Variants in OPCML observed in about 807,000 individuals in gnomAD.
OPCML encodes opioid binding protein/cell adhesion molecule like.
In OPCML, 13 loss-of-function variants were observed where a neutral mutation model predicts 37.8. That is an observed-to-expected ratio of 0.34 (90% CI 0.22 to 0.55). The LOEUF (loss-of-function observed/expected upper bound fraction) is 0.55. OPCML is among the 20% of genes least tolerant of loss of function. The pLI, the probability that OPCML is intolerant of heterozygous loss-of-function variation, is 0.91. For missense variants in OPCML, 341 were observed against 435.6 expected (o/e 0.78, Z 1.93); for synonymous variants, 176 against 168.8 (o/e 1.04, Z -0.33).
chr11:133,186,939 T>C (rs114708638), intron 1 of OPCML, among the ~76,000 whole-genome samples: 57 of 152,108 alleles, frequency 3.7e-4, no homozygotes, highest in African/African-American at 1.1e-3. Context: ...GTGAGTCTGG[T>C]TGGCGTAGGA....
intron 1 of OPCML, among the ~76,000 whole-genome samples, chr11:133,170,546 C>A (rs1373503033): frequency 1.3e-5 from 2 of 149,270 alleles, no homozygotes; most frequent in Non-Finnish European, 3.0e-5. Flanking sequence ...GGTCATGGAT[C>A]AGAAAAGAAA....
At position 133,174,146 on chromosome 11, in the gene OPCML, C is replaced by T. The variant is rs924046409; in HGVS notation, c.62-231136G>A. On this transcript the variant is annotated intron_variant, in intron 1 of 7. Transcript: ENST00000524381. The surrounding 1 kb of genome is among the most constrained non-coding windows in gnomAD (Gnocchi z 4.6). ...TGTCAGGCTGGTCCCTTGTGTCTTC[C>T]CTTCCCTCTCATTCTCCACCTTCTT... is the stretch of plus-strand genomic sequence containing the variant. Among the ~76,000 whole-genome samples the T allele has an allele frequency of 6.6e-6, 1 of 152,166 alleles. No individual in the cohort carries two copies. The highest frequency in any genetic ancestry group is 1.5e-5 in the Non-Finnish European group (1 of 68,036).
At chr11:132,537,684 A>G (rs544268169) in intron 3 of OPCML, among the ~76,000 whole-genome samples, 85 of 152,374 alleles carry the variant, frequency 5.6e-4, no homozygotes, top group African/African-American at 2.0e-3. Flanking sequence ...CATATATCTA[A>G]TAACGGACTA....
At chr11:133,351,524 G>C (rs188074739) in intron 1 of OPCML, among the ~76,000 whole-genome samples, 60 of 100,742 alleles carry the variant, frequency 6.0e-4, no homozygotes, top group African/African-American at 2.0e-3. Flanking sequence ...GCTACTTCTG[G>C]GTCACCTAAG....
At chr11:133,352,505 C>T (rs12791663) in intron 1 of OPCML, among the ~76,000 whole-genome samples, 106,696 of 152,092 alleles carry the variant, frequency 0.7, 37,531 homozygotes, top group East Asian at 0.91. Flanking sequence ...CTCTATTTCA[C>T]AGAAGAAATC....
At chr11:132,742,888 A>T (rs553177794) in intron 2 of OPCML, among the ~76,000 whole-genome samples, 2 of 151,956 alleles carry the variant, frequency 1.3e-5, no homozygotes, top group Non-Finnish European at 2.9e-5. Context: ...CAATTATGCT[A>T]TAACATTAAA....
At chr11:133,469,566 C>A (rs7481266) in intron 1 of OPCML, among the ~76,000 whole-genome samples, 43,689 of 152,094 alleles carry the variant, frequency 0.29, 7,843 homozygotes, top group African/African-American at 0.51. Flanking sequence ...TATGTTATCA[C>A]CTGTTTGTTT....
At chr11:133,247,073 T>C (rs2136424598) in intron 1 of OPCML, among the ~76,000 whole-genome samples, 1 of 152,318 alleles carries the variant, frequency 6.6e-6, no homozygotes, top group East Asian at 1.9e-4. Flanking sequence ...AAAGTATCCC[T>C]GTCTAGAAAA....
At chr11:132,970,186 C>A (rs1946309114) in intron 1 of OPCML, among the ~76,000 whole-genome samples, 1 of 152,276 alleles carries the variant, frequency 6.6e-6, no homozygotes, top group South Asian at 2.1e-4. Context: ...CTTTCACATG[C>A]TTCATTATGT....
At chr11:133,308,201 C>A (rs1236772420) in intron 1 of OPCML, among the ~76,000 whole-genome samples, 2 of 152,094 alleles carry the variant, frequency 1.3e-5, no homozygotes, top group East Asian at 1.9e-4. Flanking sequence ...AAATCACCAG[C>A]AATACCTGTT....
chr11:133,350,849 A>G (rs1027893542), intron 1 of OPCML, among the ~76,000 whole-genome samples: 1 of 152,186 alleles, frequency 6.6e-6, no homozygotes, highest in Non-Finnish European at 1.5e-5. Flanking sequence ...CATTTCCAAC[A>G]TATGATCAAT....
At chr11:132,513,659 C>A (rs190272364) in intron 4 of OPCML, among the ~76,000 whole-genome samples, 2 of 152,238 alleles carry the variant, frequency 1.3e-5, no homozygotes, top group South Asian at 2.1e-4. Flanking sequence ...CTCTACCTCA[C>A]CCATTTCATT....
chr11:132,511,095 G>C (rs1451675907), intron 4 of OPCML, among the ~76,000 whole-genome samples: 3 of 152,006 alleles, frequency 2.0e-5, no homozygotes, highest in Non-Finnish European at 4.4e-5. Flanking sequence ...AAAAGTACTA[G>C]AATCAAGGAA....
chr11:133,048,876 G>T (rs1948073982), intron 1 of OPCML, among the ~76,000 whole-genome samples: 1 of 152,184 alleles, frequency 6.6e-6, no homozygotes, highest in Admixed American at 6.5e-5. Flanking sequence ...TGACCATAAA[G>T]TGCCAAGCAA....
At chr11:133,088,785 G>T (rs1948858191) in intron 1 of OPCML, among the ~76,000 whole-genome samples, 1 of 152,178 alleles carries the variant, frequency 6.6e-6, no homozygotes. Flanking sequence ...TGGTCTAAAT[G>T]TTTTGGTTAC....
chr11:133,216,723 T>C (rs1292790290), intron 1 of OPCML, among the ~76,000 whole-genome samples: 1 of 152,214 alleles, frequency 6.6e-6, no homozygotes, highest in East Asian at 1.9e-4. Context: ...ACTATCTAAA[T>C]GCAAAGACTA....
At chr11:132,659,444 G>A (rs920644866) in intron 2 of OPCML, among the ~76,000 whole-genome samples, 5 of 152,174 alleles carry the variant, frequency 3.3e-5, no homozygotes, top group African/African-American at 1.2e-4. Context: ...CCAAAAATCA[G>A]CACACCTGGA....
intron 1 of OPCML, among the ~76,000 whole-genome samples, chr11:133,184,287 A>T (rs1338855996): frequency 6.6e-6 from 1 of 152,236 alleles, no homozygotes; most frequent in Non-Finnish European, 1.5e-5. Context: ...TAACTGCTGT[A>T]ACTGAGGACA....
At chr11:133,280,953 G>A (rs887901600) in intron 1 of OPCML, among the ~76,000 whole-genome samples, 30 of 152,270 alleles carry the variant, frequency 2.0e-4, no homozygotes, top group Admixed American at 1.5e-3. Context: ...TTGTCCTAAC[G>A]TTCTTGGGCA....
Sources: gnomAD v4.1 joint callset for allele counts (sites outside exome capture counted in the v4.1 genomes callset) on GRCh38, gnomAD v4.1.1 for gene constraint, Gnocchi (gnomAD v3.1) non-coding constraint, MANE v1.5 for transcripts, NCBI Gene and HGNC (gene_info 2026-07-23, HGNC 2026-07-21) for gene names.